The following DISC1 variants were observed in gnomAD, a reference collection of about 807,000 sequenced individuals.
The protein encoded by DISC1 is DISC1 scaffold protein, also known as disrupted in schizophrenia 1 protein.
In DISC1, 57 loss-of-function variants were observed where a neutral mutation model predicts 84.5. The observed-to-expected ratio is 0.67, with a 90% confidence interval of 0.55 to 0.84. DISC1 has a LOEUF of 0.84. Among genes scored for constraint, DISC1 ranks in the 40% least tolerant of loss-of-function variants. DISC1 has a pLI of 0.00. For missense variants in DISC1, 1,000 were observed against 1,057.8 expected, an observed-to-expected ratio of 0.95 and a Z score of 0.76; for synonymous variants, 411 against 415.2, an observed-to-expected ratio of 0.99 and a Z score of 0.12.
intron 10 of DISC1, among the ~76,000 whole-genome samples, chr1:231,963,014 G>C (rs188779938): frequency 7.2e-5 from 11 of 152,322 alleles, no homozygotes; most frequent in East Asian, 3.9e-4. Context: ...CTGCTTTGCT[G>C]TTCCACTGTT....
At chr1:231,789,128 C>T (rs1241839694) in intron 6 of DISC1, among the ~76,000 whole-genome samples, 1 of 152,078 alleles carries the variant, frequency 6.6e-6, no homozygotes, top group Admixed American at 6.6e-5. Context: ...GGGTGGAAGA[C>T]GAGTGGATGT....
chr1:232,000,652 G>A (rs1419864045), intron 10 of DISC1, among the ~76,000 whole-genome samples: 3 of 152,100 alleles, frequency 2.0e-5, no homozygotes, highest in Admixed American at 6.5e-5. Flanking sequence ...CATAAGAATT[G>A]AATTTCTGAA....
intron 1 of DISC1, among the ~76,000 whole-genome samples, chr1:231,678,220 A>C (rs2063343697): frequency 6.6e-6 from 1 of 152,140 alleles, no homozygotes; most frequent in South Asian, 2.1e-4. Context: ...CTGAAGAAAG[A>C]CTGTTAACAG....
intron 4 of DISC1, among the ~76,000 whole-genome samples, chr1:231,753,248 A>C (rs2074798760): frequency 6.6e-6 from 1 of 152,244 alleles, no homozygotes; most frequent in African/African-American, 2.4e-5. Context: ...CCTGCAGCAG[A>C]CTTCTGCCTA....
chr1:231,697,513 C>T (rs886158425), intron 2 of DISC1, among the ~76,000 whole-genome samples: 7 of 152,082 alleles, frequency 4.6e-5, no homozygotes, highest in Non-Finnish European at 8.8e-5. Context: ...GATCATAACT[C>T]ACTGCAACCT....
At position 231,766,582 on chromosome 1, in the gene DISC1, G is replaced by C. The variant is rs114927268; in HGVS notation, c.1269-558G>C. On this transcript the variant is annotated intron_variant, in intron 4 of 12. Coordinates refer to ENST00000439617, the MANE Select transcript of DISC1 (RefSeq NM_018662.3). ...GATTCTAAATGAGCAGAGGAAGGGT[G>C]GATGCCGTAAAGGCAAGGGAACTGG... 8.4e-3 allele frequency among the ~76,000 whole-genome samples: 1,286 copies of C among 152,290 alleles called. 18 individuals carry two copies. The highest frequency in any genetic ancestry group is 0.028 in the African/African-American group (1,175 of 41,550).
chr1:231,873,966 G>A (rs4385691), intron 9 of DISC1, among the ~76,000 whole-genome samples: 75,368 of 150,952 alleles, frequency 0.5, 18,914 homozygotes, highest in African/African-American at 0.53. Context: ...CTCCTGCCTC[G>A]GCCTCTGAGT....
At chr1:231,970,069 T>C (rs1327731145) in intron 10 of DISC1, among the ~76,000 whole-genome samples, 1 of 152,204 alleles carries the variant, frequency 6.6e-6, no homozygotes, top group Non-Finnish European at 1.5e-5. Context: ...TACGTGTGCA[T>C]GTGTCTTTAT....
At position 231,996,586 on chromosome 1, in the gene DISC1, A is replaced by G. The variant is rs575348870; in HGVS notation, c.2043-12199A>G. 2.5e-4 allele frequency among the ~76,000 whole-genome samples: 38 copies of G among 152,288 alleles called. 1 individual carries two copies. In the South Asian group the frequency reaches 7.5e-3, roughly 30 times the overall value. On this transcript the variant is annotated intron_variant, in intron 10 of 12. Transcript: ENST00000439617. The stretch of plus-strand genomic sequence containing the variant: ...GTTTGGTTATAAGAGCTGAAACTCT[A>G]GGCATCTGTGTCAGAACTCAGTATT...
chr1:231,707,195 C>T (rs1335736321), intron 3 of DISC1, among the ~76,000 whole-genome samples: 1 of 152,218 alleles, frequency 6.6e-6, no homozygotes, highest in East Asian at 1.9e-4. Flanking sequence ...CAGCCTGTAT[C>T]ATTTTGCTTT....
At chr1:231,886,771 CTTTCTTTCTTTCTTT>C (rs1558691959) in intron 9 of DISC1, among the ~76,000 whole-genome samples, 1,187 of 73,520 alleles carry the variant, frequency 0.016, 19 homozygotes, top group South Asian at 0.02. Context: ...TCCTTCCTTT[CTTTCTTTCTTTCTTT>C]CTTTCTTTCT....
chr1:231,662,562 GC>G (rs2061649514), intron 1 of DISC1, among the ~76,000 whole-genome samples: 1 of 152,054 alleles, frequency 6.6e-6, no homozygotes, highest in African/African-American at 2.4e-5. Context: ...ATTGTGGGGG[GC>G]CCTTCCTCAT....
rs758280361 is a variant in DISC1, at chr1:231,694,795, G to C, written c.1037G>C (p.Arg346Thr). The C allele has an allele frequency of 6.2e-7, 1 of 1,613,672 alleles. No homozygotes were observed. The highest frequency in any genetic ancestry group is 2.2e-5 in the East Asian group (1 of 44,870). Residue 346 changes from arginine (R) to threonine (T), a missense_variant, in exon 2 of 13, where the codon AGG becomes ACG. By Grantham distance (71) the Arg-to-Thr change is moderately conservative. Around this residue, in one of 3 missense-constraint regions of DISC1, gnomAD observed 311 missense variants for 400.1 expected, o/e 0.78. Transcript: ENST00000439617. Reference sequence around the variant, plus strand: ...CGGGACTGCCTGCTGAGAAACCGGAGGCAGATGGAGGTCAGTGTCTCTTCC... The same window carrying C: ...CGGGACTGCCTGCTGAGAAACCGGACGCAGATGGAGGTCAGTGTCTCTTCC... ...VLRDCLLRNRRQMEVISLRLK... is the reference protein window; with the variant it reads ...VLRDCLLRNRTQMEVISLRLK...
In DISC1 at chr1:231,954,814, T is replaced by C. The variant is rs1452176090; in HGVS notation, c.1982-4014T>C. 6.6e-6 allele frequency among the ~76,000 whole-genome samples: 1 copy of C among 152,218 alleles called. No individual in the cohort carries two copies. Among genetic ancestry groups the C allele is most frequent in the Non-Finnish European group, 1.5e-5 (1 of 68,028 alleles). On this transcript the variant is annotated intron_variant, in intron 9 of 12. Transcript: ENST00000439617. The surrounding 1 kb of genome is among the most constrained non-coding windows in gnomAD (Gnocchi z 4.8). Reference sequence around the variant, plus strand: ...TCCCTGTCTACAGTCTTGGCCTGTCTTGAAGGTTGTGAGTCAACTTAGTGA... The same window carrying C: ...TCCCTGTCTACAGTCTTGGCCTGTCCTGAAGGTTGTGAGTCAACTTAGTGA...
chr1:231,715,678 A>G (rs2068602016), intron 3 of DISC1, among the ~76,000 whole-genome samples: 1 of 152,236 alleles, frequency 6.6e-6, no homozygotes, highest in Non-Finnish European at 1.5e-5. Flanking sequence ...TAACTCTTCT[A>G]TGTCTACATG....
intron 2 of DISC1, among the ~76,000 whole-genome samples, chr1:231,695,068 C>T (rs1010452028): frequency 9.2e-5 from 14 of 152,240 alleles, no homozygotes; most frequent in African/African-American, 2.2e-4. Context: ...CTGCAGGCCC[C>T]GGCTTAGGTG....
At chr1:231,634,253 C>T (rs2059002857) in intron 1 of DISC1, among the ~76,000 whole-genome samples, 1 of 151,884 alleles carries the variant, frequency 6.6e-6, no homozygotes, top group Admixed American at 6.6e-5. Flanking sequence ...GGAGAATGTG[C>T]GTGTTTTGCA....
At chr1:231,692,256 A>G (rs916120435) in intron 1 of DISC1, among the ~76,000 whole-genome samples, 4 of 152,060 alleles carry the variant, frequency 2.6e-5, no homozygotes, top group South Asian at 2.1e-4. Flanking sequence ...CCACCACCTC[A>G]TGGTCCCTGC....
chr1:231,657,907 G>T (rs1217287083), intron 1 of DISC1, among the ~76,000 whole-genome samples: 1 of 152,108 alleles, frequency 6.6e-6, no homozygotes, highest in African/African-American at 2.4e-5. Context: ...TTTGAAGTTG[G>T]GTAGCCATGA....
Sources: gnomAD v4.1 joint callset for allele counts (sites outside exome capture counted in the v4.1 genomes callset) on GRCh38, gnomAD v4.1.1 for gene constraint, gnomAD v4.1.1 regional missense constraint, Gnocchi (gnomAD v3.1) non-coding constraint, MANE v1.5 for transcripts, NCBI Gene and HGNC (gene_info 2026-07-23, HGNC 2026-07-21) for gene names.